Variants in COL1A2 observed in about 807,000 individuals in gnomAD.
The protein encoded by COL1A2 is collagen type I alpha 2 chain.
A neutral mutation model predicts 174.3 loss-of-function variants in COL1A2; 49 were observed. The observed-to-expected ratio is 0.28, with a 90% CI of 0.22 to 0.36. The LOEUF is 0.36. Among genes scored for constraint, COL1A2 ranks in the 10% least tolerant of loss-of-function variants. The pLI, the probability that COL1A2 is intolerant of heterozygous loss-of-function variation, is 1.00. For missense variants in COL1A2, 1,438 were observed against 1,822.7 expected (o/e 0.79, Z 3.84); for synonymous variants, 655 against 606.6 (o/e 1.08, Z -1.17).
chr7:94,406,774 T>G (rs577373008), intron 12 of COL1A2, among the ~76,000 whole-genome samples: 4 of 152,304 alleles, frequency 2.6e-5, no homozygotes, highest in Admixed American at 6.5e-5. Context: ...ATTAGGTAAT[T>G]AAAGTCTCAG....
intron 2 of COL1A2, 73 bp downstream of exon 2, chr7:94,397,831 A>G (rs943049441): frequency 1.1e-5 from 10 of 896,274 alleles, no homozygotes; most frequent in Admixed American, 6.4e-5. Context: ...TTCTCTTGGA[A>G]GGGAAGAAGT....
At chr7:94,396,523 T>G (rs1418812595) in intron 1 of COL1A2, among the ~76,000 whole-genome samples, 1 of 152,182 alleles carries the variant, frequency 6.6e-6, no homozygotes, top group African/African-American at 2.4e-5. Context: ...TAGGGAAATT[T>G]GAAGGTACAA....
chr7:94,401,497 A>G, intron 5 of COL1A2, 70 bp from the exon 6 acceptor site: 1 of 666,152 alleles, frequency 1.5e-6, no homozygotes. Flanking sequence ...AGAATGAGAA[A>G]ATGAACTACA....
intron 40 of COL1A2, chr7:94,423,385 CA>C: frequency 2.1e-6 from 1 of 469,422 alleles, no homozygotes; most frequent in Non-Finnish European, 3.9e-6. Context: ...TTACTGGTAC[CA>C]GGATTAGAAC....
intron 11 of COL1A2, 70 bp from the exon 12 acceptor site, chr7:94,406,180 A>G (rs1791791985): frequency 3.3e-6 from 5 of 1,498,368 alleles, no homozygotes; most frequent in African/African-American, 2.8e-5. Flanking sequence ...TGGCAAAGAT[A>G]TACAATACAA....
chr7:94,395,122 T>A, intron 1 of COL1A2, 21 bp downstream of exon 1: 2 of 1,607,464 alleles, frequency 1.2e-6, no homozygotes, highest in Non-Finnish European at 1.7e-6. Flanking sequence ...TCAGCTTGTT[T>A]GGGGGAGACT....
At chr7:94,405,848 A>G in intron 11 of COL1A2, 122 bp downstream of exon 11, 1 of 879,606 alleles carries the variant, frequency 1.1e-6, no homozygotes. Context: ...TGCCAAAGGG[A>G]AGAAAGAGTT....
At chr7:94,411,302 C>A in intron 23 of COL1A2, 148 bp downstream of exon 23, 1 of 711,416 alleles carries the variant, frequency 1.4e-6, no homozygotes, top group Non-Finnish European at 2.5e-6. Flanking sequence ...TTTATCAAAG[C>A]TCAGTAGATA....
intron 38 of COL1A2, 93 bp downstream of exon 38, chr7:94,421,155 A>G (rs1792152602): frequency 7.8e-7 from 1 of 1,284,552 alleles, no homozygotes; most frequent in Non-Finnish European, 1.1e-6. Context: ...AATTTGGACT[A>G]CCATGAGGAA....
chr7:94,409,862 C>T, intron 19 of COL1A2, 41 bp downstream of exon 19: 1 of 1,560,600 alleles, frequency 6.4e-7, no homozygotes, highest in South Asian at 1.1e-5. Context: ...CCTGAAATAC[C>T]ACCTCTGCCA....
chr7:94,410,193 G>A, intron 19 of COL1A2, 49 bp from the exon 20 acceptor site: 4 of 1,586,218 alleles, frequency 2.5e-6, no homozygotes, highest in Non-Finnish European at 3.5e-6. Flanking sequence ...CTGCAAGAGA[G>A]TTTCAACAAA....
chr7:94,413,794 C>T, intron 27 of COL1A2, 51 bp downstream of exon 27: 1 of 1,609,498 alleles, frequency 6.2e-7, no homozygotes, highest in South Asian at 1.1e-5. Flanking sequence ...TGTATATAGT[C>T]CTCAAACTGG....
chr7:94,414,361 T>C (rs1791994879), intron 29 of COL1A2, 86 bp downstream of exon 29: 5 of 1,209,316 alleles, frequency 4.1e-6, no homozygotes, highest in Middle Eastern at 1.9e-4. Context: ...GCAATTATAA[T>C]ATGTAAAAGA....
intron 46 of COL1A2, 44 bp downstream of exon 46, chr7:94,426,574 G>T (rs1333669172): frequency 7.0e-7 from 1 of 1,421,714 alleles, no homozygotes. Context: ...GATCCTGAAG[G>T]CCTTCAGCTC....
rs1417829735 is a variant in COL1A2 at position 94,426,060 on chromosome 7, A to G, written c.2997+9A>G. On this transcript the variant is annotated intron_variant, in intron 45 of 51. Coordinates refer to ENST00000297268, the MANE Select transcript of COL1A2 (RefSeq NM_000089.4). ...GCCCAAGAGGTCCTAGTGTATGTAC[A>G]TGCTGAAGATTTCTTTGCAACACTA... is the stretch of plus-strand genomic sequence containing the variant. The G allele has an allele frequency of 6.2e-7, 1 of 1,612,166 alleles. No homozygotes were observed. Among genetic ancestry groups the G allele is most frequent in the African/African-American group, 1.3e-5 (1 of 74,856 alleles).
In COL1A2 at chr7:94,428,387, A is replaced by G. The variant is rs2115962565; in HGVS notation, c.3621A>G (p.Gln1207=). Residue 1207 remains glutamine, a synonymous_variant, in exon 50 of 52, where the codon CAA becomes CAG. Transcript: ENST00000297268. ...CTGGCGAAACCTGTATCCGGGCCCA[A>G]CCTGAAAACATCCCAGCCAAGAACT... ...FSTGETCIRA[Q]PENIPAKNWY... The G allele has an allele frequency of 1.9e-6, 3 of 1,614,098 alleles. No homozygotes were observed. The highest frequency in any genetic ancestry group is 2.5e-6 in the Non-Finnish European group (3 of 1,179,972).
intron 28 of COL1A2, 26 bp downstream of exon 28, chr7:94,413,973 A>G: frequency 1.3e-6 from 2 of 1,597,086 alleles, no homozygotes; most frequent in Non-Finnish European, 8.6e-7. Flanking sequence ...CATATACAAT[A>G]CTGCCTTTGG....
Position 94,405,259 on chromosome 7 carries a change from C to T in COL1A2, c.486+7C>T, listed in dbSNP as rs1033909918. 6.2e-7 allele frequency: 1 copy of T among 1,613,636 alleles called. No individual in the cohort carries two copies. Among genetic ancestry groups the T allele is most frequent in the Non-Finnish European group, 8.5e-7 (1 of 1,179,714 alleles). On this transcript the variant is annotated splice_region_variant and intron_variant, in intron 10 of 51. Transcript: ENST00000297268. Reference sequence around the variant, plus strand: ...AGGAGTTGTTGGACCACAGGTGAGACTTTTTACATTGGTAGATAGCACAAA... The same window carrying T: ...AGGAGTTGTTGGACCACAGGTGAGATTTTTTACATTGGTAGATAGCACAAA...
At chr7:94,424,700 T>C in intron 41 of COL1A2, 1 of 503,790 alleles carries the variant, frequency 2.0e-6, no homozygotes, top group Non-Finnish European at 3.6e-6. Flanking sequence ...ATACAATCTC[T>C]AATTGCGTTT....
Sources: gnomAD v4.1 joint callset for allele counts (sites outside exome capture counted in the v4.1 genomes callset) on GRCh38, gnomAD v4.1.1 for gene constraint, MANE v1.5 for transcripts, NCBI Gene and HGNC (gene_info 2026-07-23, HGNC 2026-07-21) for gene names.